Variants in GALNT13 observed in about 807,000 individuals in gnomAD.
GALNT13 encodes UDP-GalNAc:polypeptide N-acetylgalactosaminyltransferase 13.
GALNT13 carries 28 observed loss-of-function variants against 64.2 expected under a neutral mutation model. That is an observed-to-expected ratio of 0.44 (90% CI 0.32 to 0.60). The LOEUF (loss-of-function observed/expected upper bound fraction) is 0.60, where lower values mean the gene tolerates loss of function less well. Ranked by LOEUF, GALNT13 falls within the 20% of genes least tolerant of loss-of-function variation. The pLI is 0.05. For missense variants in GALNT13, 577 were observed against 669.8 expected (o/e 0.86, Z 1.53); for synonymous variants, 214 against 224.6 (o/e 0.95, Z 0.42).
intron 8 of GALNT13, among the ~76,000 whole-genome samples, chr2:154,285,805 T>C (rs1198034072): frequency 6.6e-6 from 1 of 152,184 alleles, no homozygotes; most frequent in Non-Finnish European, 1.5e-5. Flanking sequence ...TTACTTTAGG[T>C]AATATGAACA....
At chr2:154,340,679 T>G (rs1270941162) in intron 9 of GALNT13, among the ~76,000 whole-genome samples, 2 of 152,150 alleles carry the variant, frequency 1.3e-5, no homozygotes, top group African/African-American at 4.8e-5. Context: ...TAAATTCATA[T>G]GACAAAGTCC....
At chr2:154,137,497 T>C (rs1332009089) in intron 3 of GALNT13, among the ~76,000 whole-genome samples, 4 of 152,196 alleles carry the variant, frequency 2.6e-5, no homozygotes, top group African/African-American at 7.2e-5. Context: ...GTCCTAGGTA[T>C]ACGGACACTG....
intron 2 of GALNT13, among the ~76,000 whole-genome samples, chr2:153,931,765 T>A (rs1690536636): frequency 6.6e-6 from 1 of 152,114 alleles, no homozygotes. Flanking sequence ...ATGTTGCTTT[T>A]ACCTCTATGA....
chr2:153,566,772 G>T, the GALNT13 span, among the ~76,000 whole-genome samples: 1 of 152,132 alleles, frequency 6.6e-6, no homozygotes, highest in Non-Finnish European at 1.5e-5. Context: ...GTAGTTCATT[G>T]TTCTTCCCAT....
At chr2:154,055,301 T>G (rs1226367855) in intron 3 of GALNT13, among the ~76,000 whole-genome samples, 1 of 152,086 alleles carries the variant, frequency 6.6e-6, no homozygotes, top group Non-Finnish European at 1.5e-5. Flanking sequence ...AGTTCTTTTT[T>G]TTCTTCTTAA....
chr2:154,348,614 T>G (rs949534886), intron 9 of GALNT13, among the ~76,000 whole-genome samples: 1 of 152,112 alleles, frequency 6.6e-6, no homozygotes, highest in Non-Finnish European at 1.5e-5. Context: ...GCATCTATTT[T>G]ATGTTTGGGG....
chr2:153,907,743 T>A (rs190432604), intron 2 of GALNT13, among the ~76,000 whole-genome samples: 2 of 152,108 alleles, frequency 1.3e-5, no homozygotes, highest in Non-Finnish European at 2.9e-5. Context: ...CTAATTTTTT[T>A]GTGTGTGTGG....
At position 154,246,027 on chromosome 2, in the gene GALNT13, A is replaced by G. The variant is rs116692653; in HGVS notation, c.857+45A>G. The G allele has an allele frequency of 1.0e-3, 1,383 of 1,323,310 alleles. 9 individuals carry two copies. In the African/African-American group the frequency reaches 0.015, roughly 14 times the overall value. 82.0% of individuals were successfully genotyped at this position (1,323,310 alleles called of 1,614,324 possible). A position where few individuals can be genotyped will look rare whatever the true frequency, so the allele number is the denominator to read the frequency against. The stretch of plus-strand genomic sequence containing the variant: ...TGAAGATTATGTATATCCCCCTAAA[A>G]ATTAAGGAATATTATAGATTTCTGT... On this transcript the variant is annotated intron_variant, in intron 7 of 12. Coordinates refer to ENST00000392825, the MANE Select transcript of GALNT13 (RefSeq NM_052917.4).
the GALNT13 span, among the ~76,000 whole-genome samples, chr2:153,237,311 A>T: frequency 6.6e-6 from 1 of 152,002 alleles, no homozygotes; most frequent in Non-Finnish European, 1.5e-5. Context: ...GGTATTCATC[A>T]CCTCAAGCAT....
chr2:153,935,436 T>A (rs1480992410), intron 2 of GALNT13, among the ~76,000 whole-genome samples: 1 of 152,226 alleles, frequency 6.6e-6, no homozygotes, highest in Non-Finnish European at 1.5e-5. Context: ...ATTGGTCTGA[T>A]TAAGCATGTG....
At chr2:154,213,270 G>A (rs1030050821) in intron 4 of GALNT13, among the ~76,000 whole-genome samples, 7 of 151,960 alleles carry the variant, frequency 4.6e-5, no homozygotes, top group South Asian at 2.1e-4. Flanking sequence ...TGTAGATATG[G>A]GGTTTTGCCA....
chr2:154,409,097 T>C lies in GALNT13; in HGVS notation c.1395+15T>C. On this transcript the variant is annotated intron_variant, in intron 11 of 12. Transcript: ENST00000392825. Reference sequence around the variant, plus strand: ...GAGGAAATCAGGTAAACTCTCCCTTTTTATCAGCTTCATGTTTTAGAGGGA... The same window carrying C: ...GAGGAAATCAGGTAAACTCTCCCTTCTTATCAGCTTCATGTTTTAGAGGGA... 1.4e-6 allele frequency: 2 copies of C among 1,476,434 alleles called. No individual in the cohort carries two copies. 91.5% of individuals were successfully genotyped at this position (1,476,434 alleles called of 1,614,324 possible).
chr2:154,236,914 T>C (rs749001515), intron 4 of GALNT13, among the ~76,000 whole-genome samples: 4 of 152,018 alleles, frequency 2.6e-5, no homozygotes, highest in Non-Finnish European at 4.4e-5. Context: ...GATACAACGA[T>C]ATATATATTT....
upstream of GALNT13, among the ~76,000 whole-genome samples, chr2:153,866,937 C>A (rs1157384025): frequency 4.6e-5 from 7 of 152,082 alleles, no homozygotes; most frequent in African/African-American, 1.7e-4. Flanking sequence ...TAAAATATAT[C>A]ATCTCTACTT....
At chr2:153,195,440 G>A in the GALNT13 span, among the ~76,000 whole-genome samples, 2 of 152,196 alleles carry the variant, frequency 1.3e-5, no homozygotes, top group Non-Finnish European at 2.9e-5. Context: ...GCTGGCTGCT[G>A]CTGCAGGGCA....
intron 2 of GALNT13, among the ~76,000 whole-genome samples, chr2:153,916,754 G>A (rs10206189): frequency 0.2 from 30,714 of 151,298 alleles, 4,068 homozygotes; most frequent in Middle Eastern, 0.34. Flanking sequence ...AGAGAGGACG[G>A]TGTCTATAAA....
the GALNT13 span, among the ~76,000 whole-genome samples, chr2:153,144,671 C>T: frequency 7.0e-4 from 107 of 151,928 alleles, no homozygotes; most frequent in East Asian, 0.018. Context: ...CTCTTGGATA[C>T]GAAACAATCC....
At chr2:154,075,518 A>G (rs1700942922) in intron 3 of GALNT13, among the ~76,000 whole-genome samples, 1 of 151,860 alleles carries the variant, frequency 6.6e-6, no homozygotes, top group South Asian at 2.1e-4. Flanking sequence ...GTATGGCTAT[A>G]CCATAAGTTA....
the GALNT13 span, among the ~76,000 whole-genome samples, chr2:153,725,636 T>C: frequency 6.6e-6 from 1 of 152,060 alleles, no homozygotes; most frequent in Non-Finnish European, 1.5e-5. Context: ...ATGTAAAGTT[T>C]ATGATATTCT....
Sources: gnomAD v4.1 joint callset for allele counts (sites outside exome capture counted in the v4.1 genomes callset) on GRCh38, gnomAD v4.1.1 for gene constraint, MANE v1.5 for transcripts, NCBI Gene and HGNC (gene_info 2026-07-23, HGNC 2026-07-21) for gene names.